Variants in CADM2 observed in about 807,000 individuals in gnomAD.
The protein encoded by CADM2 is immunoglobulin superfamily member 4D.
CADM2 carries 12 observed loss-of-function variants against 49.8 expected under a neutral mutation model. The observed-to-expected ratio is 0.24, with a 90% CI of 0.15 to 0.39. The LOEUF (loss-of-function observed/expected upper bound fraction) is 0.39. Among genes scored for constraint, CADM2 ranks in the 10% least tolerant of loss-of-function variants. The pLI is 1.00. For synonymous variants in CADM2, 214 were observed against 175.4 expected (o/e 1.22, Z -1.74); for missense variants, 378 against 492.3 (o/e 0.77, Z 2.20).
chr3:85,637,984 CA>C (rs1245802013), intron 1 of CADM2, among the ~76,000 whole-genome samples: 9 of 152,188 alleles, frequency 5.9e-5, no homozygotes, highest in African/African-American at 2.2e-4. Flanking sequence ...GATATATGAA[CA>C]AGGGGGTTTA....
intron 1 of CADM2, among the ~76,000 whole-genome samples, chr3:85,192,115 C>A (rs2041223976): frequency 6.6e-6 from 1 of 151,408 alleles, no homozygotes; most frequent in African/African-American, 2.4e-5. Context: ...AAAAAAAAGA[C>A]ATCAAATTGT....
chr3:85,871,580 G>T (rs768965575), intron 3 of CADM2, among the ~76,000 whole-genome samples: 2 of 152,144 alleles, frequency 1.3e-5, no homozygotes, highest in Admixed American at 6.5e-5. Flanking sequence ...CTTTAGAAGA[G>T]AAATAATGCT....
intron 8 of CADM2, among the ~76,000 whole-genome samples, chr3:86,027,671 T>C (rs998734875): frequency 3.3e-5 from 5 of 152,218 alleles, no homozygotes; most frequent in Non-Finnish European, 1.5e-5. Context: ...TATTTTTGAA[T>C]GATTTTATCA....
chr3:86,050,486 C>A (rs1175385972), intron 8 of CADM2, among the ~76,000 whole-genome samples: 1 of 152,162 alleles, frequency 6.6e-6, no homozygotes, highest in Non-Finnish European at 1.5e-5. Context: ...TAGGCAGTGC[C>A]CCAGTGGGGA....
chr3:85,337,203 A>G (rs2045113678), intron 1 of CADM2, among the ~76,000 whole-genome samples: 1 of 150,510 alleles, frequency 6.6e-6, no homozygotes, highest in South Asian at 2.1e-4. Context: ...AAATTGCAGC[A>G]TCTTTAAACT....
At chr3:85,514,702 T>C (rs1460542519) in intron 1 of CADM2, among the ~76,000 whole-genome samples, 1 of 152,132 alleles carries the variant, frequency 6.6e-6, no homozygotes, top group Non-Finnish European at 1.5e-5. Context: ...CATGAGTTGC[T>C]CCTTAAAGGG....
intron 1 of CADM2, among the ~76,000 whole-genome samples, chr3:85,434,921 G>T (rs574378464): frequency 1.3e-5 from 2 of 152,048 alleles, no homozygotes; most frequent in African/African-American, 4.8e-5. Flanking sequence ...GTTGTATAGT[G>T]GATATAAGAG....
intron 1 of CADM2, among the ~76,000 whole-genome samples, chr3:85,282,918 G>T (rs998839112): frequency 1.3e-5 from 2 of 152,026 alleles, no homozygotes; most frequent in Non-Finnish European, 2.9e-5. Context: ...CCAGCACAGA[G>T]AAATGATAAA....
At chr3:85,121,674 A>G (rs2038869120) in intron 1 of CADM2, among the ~76,000 whole-genome samples, 2 of 152,122 alleles carry the variant, frequency 1.3e-5, no homozygotes, top group South Asian at 4.1e-4. Context: ...CATCAGTAAT[A>G]TTACCTATCT....
chr3:85,350,453 G>T (rs3887151), intron 1 of CADM2, among the ~76,000 whole-genome samples: 52,831 of 151,882 alleles, frequency 0.35, 9,420 homozygotes, highest in Non-Finnish European at 0.38. Context: ...TGTACAGCCA[G>T]TATTTCTGCA....
intron 1 of CADM2, among the ~76,000 whole-genome samples, chr3:85,170,238 C>T (rs544766021): frequency 3.3e-5 from 5 of 152,134 alleles, no homozygotes; most frequent in South Asian, 2.1e-4. Context: ...TTTATTCTGG[C>T]GCCTTTAGAG....
intron 1 of CADM2, among the ~76,000 whole-genome samples, chr3:85,137,081 C>A (rs2039435251): frequency 6.6e-6 from 1 of 151,838 alleles, no homozygotes; most frequent in South Asian, 2.1e-4. Flanking sequence ...AATAATTAAT[C>A]ATCTACCCAG....
At chr3:85,900,788 C>T (rs1164561895) in intron 5 of CADM2, among the ~76,000 whole-genome samples, 1 of 152,090 alleles carries the variant, frequency 6.6e-6, no homozygotes, top group African/African-American at 2.4e-5. Flanking sequence ...CTCAAATTTT[C>T]TTCAGGTTAT....
intron 1 of CADM2, among the ~76,000 whole-genome samples, chr3:85,686,564 T>A (rs1298367175): frequency 6.6e-6 from 1 of 152,200 alleles, no homozygotes; most frequent in African/African-American, 2.4e-5. Flanking sequence ...TAATACTTAG[T>A]TTTATAAAAT....
intron 8 of CADM2, among the ~76,000 whole-genome samples, chr3:85,985,002 C>T (rs1049472771): frequency 6.6e-6 from 1 of 151,866 alleles, no homozygotes; most frequent in African/African-American, 2.4e-5. Flanking sequence ...ATATCTAGAA[C>T]TAGAGTTATA....
At chr3:85,660,315 T>C (rs895090519) in intron 1 of CADM2, among the ~76,000 whole-genome samples, 2 of 152,078 alleles carry the variant, frequency 1.3e-5, no homozygotes, top group African/African-American at 4.8e-5. Flanking sequence ...AGTAGAACAG[T>C]GAAGTGTTGG....
intron 3 of CADM2, among the ~76,000 whole-genome samples, chr3:85,853,267 G>A (rs867549266): frequency 2.6e-5 from 4 of 151,594 alleles, no homozygotes; most frequent in Non-Finnish European, 5.9e-5. Flanking sequence ...ATTAAAAGAG[G>A]CATTAGAAAC....
At chr3:85,531,613 TC>T (rs1394690956) in intron 1 of CADM2, among the ~76,000 whole-genome samples, 1 of 152,208 alleles carries the variant, frequency 6.6e-6, no homozygotes, top group African/African-American at 2.4e-5. Flanking sequence ...CTCTGGTTTT[TC>T]CAGCCTCTGT....
At chr3:85,711,841 C>T (rs1210089349) in intron 1 of CADM2, among the ~76,000 whole-genome samples, 2 of 152,064 alleles carry the variant, frequency 1.3e-5, no homozygotes, top group African/African-American at 4.8e-5. Context: ...GATTATCTTA[C>T]AGACATAAAT....
Sources: gnomAD v4.1 joint callset for allele counts (sites outside exome capture counted in the v4.1 genomes callset) on GRCh38, gnomAD v4.1.1 for gene constraint, MANE v1.5 for transcripts, NCBI Gene and HGNC (gene_info 2026-07-23, HGNC 2026-07-21) for gene names.